KSR1: variants seen among roughly 807,000 people sequenced by gnomAD.
KSR1 encodes the protein kinase suppressor of ras 1.
KSR1 carries 35 observed loss-of-function variants against 92.9 expected under a neutral mutation model. The ratio of observed to expected loss-of-function variants is 0.38; its 90% CI spans 0.29 to 0.50. The LOEUF (loss-of-function observed/expected upper bound fraction) is 0.50. KSR1 is among the 20% of genes least tolerant of loss of function. The pLI, the probability that KSR1 is intolerant of heterozygous loss-of-function variation, is 0.94. For synonymous variants in KSR1, 467 were observed against 472.6 expected (o/e 0.99, Z 0.15); for missense variants, 972 against 1,158.5 (o/e 0.84, Z 2.34).
chr17:27,492,220 A>T (rs989594117), intron 1 of KSR1, among the ~76,000 whole-genome samples: 2 of 152,130 alleles, frequency 1.3e-5, no homozygotes, highest in African/African-American at 4.8e-5. Flanking sequence ...AATTTTAAAC[A>T]CTGTTCATTT....
chr17:27,550,486 A>C, intron 1 of KSR1, 82 bp from the exon 2 acceptor site: 1 of 728,148 alleles, frequency 1.4e-6, no homozygotes, highest in Non-Finnish European at 2.5e-6. Context: ...TGTCTGCCTG[A>C]GCTCCTCTGT....
chr17:27,483,866 C>T (rs979733943), intron 1 of KSR1: 2 of 152,232 alleles, frequency 1.3e-5, no homozygotes, highest in Non-Finnish European at 2.9e-5. Context: ...CCCCCTCCAA[C>T]GTTTAGTGTC....
chr17:27,592,519 G>A lies in KSR1; in HGVS notation c.1193-1G>A, dbSNP rs1166180153. On this transcript the variant is annotated splice_acceptor_variant, in intron 8 of 20. Transcript: ENST00000644974. LOFTEE classifies it high-confidence loss of function. ...GATGGGTTTTCCCTCTTTTCAAACA[G>A]TAACTCGGCTTCGGAGGACAGAATC... The A allele has an allele frequency of 1.2e-6, 2 of 1,613,790 alleles. No individual in the cohort carries two copies. The highest frequency in any genetic ancestry group is 1.3e-5 in the African/African-American group (1 of 74,910).
At chr17:27,597,535 A>T (rs1410629516) in intron 10 of KSR1, 99 bp downstream of exon 10, 3 of 1,235,348 alleles carry the variant, frequency 2.4e-6, no homozygotes, top group Non-Finnish European at 2.2e-6. Context: ...ACATGGCCAC[A>T]GCTAAGAGCT....
Position 27,611,525 on chromosome 17 carries a change from T to A in KSR1, c.2389T>A (p.Trp797Arg). The A allele has an allele frequency of 6.2e-7, 1 of 1,613,906 alleles. No individual in the cohort carries two copies. The highest frequency in any genetic ancestry group is 8.5e-7 in the Non-Finnish European group (1 of 1,179,798). Reference protein sequence around the residue: ...TVWYELQARDWPLKNQAAEAS... With the variant: ...TVWYELQARDRPLKNQAAEAS... ...TTGGTATGAGCTGCAAGCAAGAGAC[T>A]GGCCCTTGAAGAACCAGGCTGCAGA... The change falls in exon 18 of 21, where the codon TGG (tryptophan) becomes AGG (arginine). Residue 797 changes from tryptophan (W) to arginine (R), a missense_variant. This residue lies in a region of KSR1 where 260 missense variants were observed against 375.2 expected (regional missense o/e 0.69). Transcript: ENST00000644974.
At chr17:27,464,646 C>T (rs879813625) in intron 1 of KSR1, among the ~76,000 whole-genome samples, 3 of 151,138 alleles carry the variant, frequency 2.0e-5, no homozygotes, top group Non-Finnish European at 4.4e-5. Context: ...CTTGAGCCTG[C>T]ACTGAGCTGT....
intron 1 of KSR1, among the ~76,000 whole-genome samples, chr17:27,546,855 C>T (rs1472891390): frequency 3.3e-5 from 5 of 152,120 alleles, no homozygotes; most frequent in Non-Finnish European, 7.4e-5. Context: ...TCTGTAGGTG[C>T]TCCCCAGGGC....
At chr17:27,463,288 T>C (rs763503767) in intron 1 of KSR1, among the ~76,000 whole-genome samples, 8 of 152,088 alleles carry the variant, frequency 5.3e-5, no homozygotes, top group Non-Finnish European at 8.8e-5. Flanking sequence ...GGCTGGTGGA[T>C]AGCTTGAGTC....
intron 1 of KSR1, among the ~76,000 whole-genome samples, chr17:27,523,896 A>T (rs1217973585): frequency 6.6e-6 from 1 of 152,214 alleles, no homozygotes; most frequent in Non-Finnish European, 1.5e-5. Context: ...GCCAGGTATT[A>T]GTCACACAGC....
chr17:27,550,350 G>A (rs570513206), intron 1 of KSR1, among the ~76,000 whole-genome samples: 3 of 152,192 alleles, frequency 2.0e-5, no homozygotes, highest in Non-Finnish European at 4.4e-5. Flanking sequence ...AGCCGCCCTG[G>A]GTAGGGCAGG....
At chr17:27,542,608 C>G (rs762489574) in intron 1 of KSR1, among the ~76,000 whole-genome samples, 3 of 152,096 alleles carry the variant, frequency 2.0e-5, no homozygotes, top group Non-Finnish European at 4.4e-5. Context: ...CAAAGTCAGT[C>G]GTCTGGAAAG....
rs751624423 is a variant in KSR1, at chr17:27,605,412, G to C, written c.1615-22G>C. On this transcript the variant is annotated intron_variant, in intron 13 of 20. Coordinates refer to ENST00000644974, the MANE Select transcript of KSR1 (RefSeq NM_001394583.1). ...GAGCCCAGATCTGCTGCCCATCCCT[G>C]TTCTTCCTGCTCTCCTTTCAGGCTG... 9.4e-6 allele frequency: 15 copies of C among 1,602,326 alleles called. No homozygotes were observed. In the African/African-American group the frequency reaches 1.9e-4, roughly 20 times the overall value.
intron 1 of KSR1, among the ~76,000 whole-genome samples, chr17:27,535,086 G>A (rs191243294): frequency 6.6e-6 from 1 of 152,256 alleles, no homozygotes; most frequent in Admixed American, 6.5e-5. Flanking sequence ...ACCCTGGGTG[G>A]GACTCAGTGT....
chr17:27,589,397 C>G (rs2073087689), intron 6 of KSR1, among the ~76,000 whole-genome samples: 1 of 152,104 alleles, frequency 6.6e-6, no homozygotes, highest in African/African-American at 2.4e-5. Context: ...AGCTCTGTAA[C>G]TCTTAAGTTC....
At chr17:27,572,895 C>T (rs150575534) in intron 2 of KSR1, among the ~76,000 whole-genome samples, 39 of 152,258 alleles carry the variant, frequency 2.6e-4, no homozygotes, top group African/African-American at 8.9e-4. Context: ...CACAGCCACG[C>T]GACCGTCCTG....
chr17:27,461,874 G>T (rs1395147369), intron 1 of KSR1, among the ~76,000 whole-genome samples: 1 of 152,248 alleles, frequency 6.6e-6, no homozygotes, highest in Non-Finnish European at 1.5e-5. Flanking sequence ...CGCTGGGTGT[G>T]TCTGGAGATG....
intron 1 of KSR1, among the ~76,000 whole-genome samples, chr17:27,536,658 G>T (rs2070762526): frequency 6.6e-6 from 1 of 152,144 alleles, no homozygotes; most frequent in African/African-American, 2.4e-5. Context: ...CTGGAACTTT[G>T]TAGGACCTGC....
chr17:27,565,475 A>AGTCC (rs2072025553), intron 2 of KSR1, among the ~76,000 whole-genome samples: 3 of 152,212 alleles, frequency 2.0e-5, no homozygotes, highest in African/African-American at 4.8e-5. Context: ...CCCAGGCTGG[A>AGTCC]GTGCATTGGC....
At position 27,597,454 on chromosome 17, in the gene KSR1, T is replaced by A. The variant is rs1447468038; in HGVS notation, c.1468+18T>A. The A allele has an allele frequency of 1.3e-6, 2 of 1,587,548 alleles. No individual in the cohort carries two copies. Among genetic ancestry groups the A allele is most frequent in the Non-Finnish European group, 8.6e-7 (1 of 1,164,896 alleles). On this transcript the variant is annotated intron_variant, in intron 10 of 20. Transcript: ENST00000644974. Reference sequence around the variant, plus strand: ...CTTCCCAGGTACCACATCTCCAGGCTTTTCTGGGTTCTAAGGGATACAGTC... The same window carrying A: ...CTTCCCAGGTACCACATCTCCAGGCATTTCTGGGTTCTAAGGGATACAGTC...
Sources: gnomAD v4.1 joint callset for allele counts (sites outside exome capture counted in the v4.1 genomes callset) on GRCh38, gnomAD v4.1.1 for gene constraint, gnomAD v4.1.1 regional missense constraint, MANE v1.5 for transcripts, NCBI Gene and HGNC (gene_info 2026-07-23, HGNC 2026-07-21) for gene names.